NKAIN2: variants seen among roughly 807,000 people sequenced by gnomAD.
The protein encoded by NKAIN2 is sodium/potassium transporting ATPase interacting 2.
NKAIN2 carries 14 observed loss-of-function variants against 32.6 expected under a neutral mutation model. That is an observed-to-expected ratio of 0.43 (90% CI 0.28 to 0.67). The LOEUF is 0.67. NKAIN2 is among the 30% of genes least tolerant of loss of function. The pLI, the probability that NKAIN2 is intolerant of heterozygous loss-of-function variation, is 0.17. For missense variants in NKAIN2, 198 were observed against 258.3 expected, an observed-to-expected ratio of 0.77 and a Z score of 1.60; for synonymous variants, 80 against 87.2, an observed-to-expected ratio of 0.92 and a Z score of 0.46.
At chr6:123,840,365 T>C (rs901915742) in intron 1 of NKAIN2, among the ~76,000 whole-genome samples, 11 of 152,006 alleles carry the variant, frequency 7.2e-5, no homozygotes, top group Middle Eastern at 3.2e-3. Flanking sequence ...AGGGAAAAAA[T>C]GAAACACAGT....
chr6:124,546,837 G>A (rs627547), intron 3 of NKAIN2, among the ~76,000 whole-genome samples: 34,955 of 152,122 alleles, frequency 0.23, 4,194 homozygotes, highest in Middle Eastern at 0.32. Context: ...TAGTGAATAG[G>A]AGAAGAACAT....
At chr6:124,807,842 A>G (rs1780662490) in intron 5 of NKAIN2, among the ~76,000 whole-genome samples, 1 of 150,866 alleles carries the variant, frequency 6.6e-6, no homozygotes, top group Non-Finnish European at 1.5e-5. Context: ...ACCGTCAGAG[A>G]ATACTACAAA....
At chr6:124,376,575 G>A (rs1056032959) in intron 3 of NKAIN2, among the ~76,000 whole-genome samples, 1 of 151,996 alleles carries the variant, frequency 6.6e-6, no homozygotes, top group Non-Finnish European at 1.5e-5. Flanking sequence ...AAGTTTAAAA[G>A]TTTTCTCTCT....
chr6:124,305,177 A>C (rs981597788), intron 2 of NKAIN2, among the ~76,000 whole-genome samples: 3 of 152,152 alleles, frequency 2.0e-5, no homozygotes, highest in African/African-American at 7.2e-5. Flanking sequence ...AAATATTTAG[A>C]GAGATATTCC....
chr6:123,850,353 AAAAT>A (rs1334790828), intron 1 of NKAIN2, among the ~76,000 whole-genome samples: 8 of 101,702 alleles, frequency 7.9e-5, no homozygotes, highest in African/African-American at 3.3e-4. Flanking sequence ...AAAAAAAAAA[AAAAT>A]ATATATATAT....
rs77729193 is a variant in NKAIN2 at position 123,817,773 on chromosome 6, G to A, written c.54+13519G>A. Among the ~76,000 whole-genome samples, 779 of 152,228 alleles carry A rather than the reference G, an allele frequency of 5.1e-3. 6 individuals are homozygous for A. The highest frequency in any genetic ancestry group is 0.016 in the East Asian group (85 of 5,176). On this transcript the variant is annotated intron_variant, in intron 1 of 6. Coordinates refer to ENST00000368417, the MANE Select transcript of NKAIN2 (RefSeq NM_001040214.3). ...CAGGCACATGAATAGTGGGTATGAA[G>A]GCATGGGGAAAAAACAGGATGAAAG...
At chr6:123,867,196 C>T (rs756324794) in intron 1 of NKAIN2, among the ~76,000 whole-genome samples, 2 of 152,170 alleles carry the variant, frequency 1.3e-5, no homozygotes, top group African/African-American at 2.4e-5. Context: ...TCCACTGGTG[C>T]CATTAGTCAT....
chr6:124,039,299 C>T (rs1582513521), intron 1 of NKAIN2, among the ~76,000 whole-genome samples: 1 of 151,952 alleles, frequency 6.6e-6, no homozygotes, highest in Non-Finnish European at 1.5e-5. Context: ...ATGTAGCCCT[C>T]AGCAATCCTC....
chr6:124,568,063 A>G (rs369731009), intron 3 of NKAIN2, among the ~76,000 whole-genome samples: 1 of 152,142 alleles, frequency 6.6e-6, no homozygotes, highest in Non-Finnish European at 1.5e-5. Context: ...TATGATGCTT[A>G]TGTTTCTTAA....
intron 3 of NKAIN2, among the ~76,000 whole-genome samples, chr6:124,630,493 C>T (rs190025978): frequency 1.3e-5 from 2 of 152,188 alleles, no homozygotes; most frequent in Admixed American, 1.3e-4. Context: ...AGAATTATGG[C>T]CATGGTAATG....
intron 3 of NKAIN2, among the ~76,000 whole-genome samples, chr6:124,443,633 C>G (rs940082818): frequency 1.3e-5 from 2 of 152,092 alleles, no homozygotes; most frequent in Non-Finnish European, 2.9e-5. Context: ...TTAATCTCTG[C>G]TATTCCTTAC....
At chr6:124,553,173 G>A (rs375053198) in intron 3 of NKAIN2, among the ~76,000 whole-genome samples, 12 of 152,254 alleles carry the variant, frequency 7.9e-5, no homozygotes, top group Middle Eastern at 6.8e-3. Flanking sequence ...GCAATGAATC[G>A]TTATTGGAAT....
intron 1 of NKAIN2, among the ~76,000 whole-genome samples, chr6:124,068,398 C>CT (rs977092787): frequency 3.2e-4 from 47 of 148,798 alleles, no homozygotes; most frequent in African/African-American, 6.9e-4. Context: ...GATTATATGA[C>CT]TTTTTTTTTT....
intron 5 of NKAIN2, among the ~76,000 whole-genome samples, chr6:124,813,296 TCA>T (rs1780998424): frequency 6.6e-6 from 1 of 152,080 alleles, no homozygotes; most frequent in Non-Finnish European, 1.5e-5. Flanking sequence ...CAGTATTAGA[TCA>T]AAGAAGAATC....
chr6:124,032,959 C>T (rs1781467763), intron 1 of NKAIN2, among the ~76,000 whole-genome samples: 1 of 151,822 alleles, frequency 6.6e-6, no homozygotes, highest in Non-Finnish European at 1.5e-5. Flanking sequence ...AAAAAAAAAT[C>T]AATAAAGTGC....
At chr6:124,357,996 A>C (rs1009377810) in intron 3 of NKAIN2, among the ~76,000 whole-genome samples, 1 of 152,082 alleles carries the variant, frequency 6.6e-6, no homozygotes, top group Non-Finnish European at 1.5e-5. Context: ...TCATTGTTCA[A>C]TTCCCGTCTA....
chr6:124,349,948 C>G (rs544510503), intron 2 of NKAIN2, among the ~76,000 whole-genome samples: 14 of 152,278 alleles, frequency 9.2e-5, no homozygotes, highest in African/African-American at 2.9e-4. Flanking sequence ...GAAATCAATT[C>G]TTAAAAGTGA....
At chr6:123,922,168 A>C (rs917162765) in intron 1 of NKAIN2, among the ~76,000 whole-genome samples, 1 of 152,214 alleles carries the variant, frequency 6.6e-6, no homozygotes, top group South Asian at 2.1e-4. Context: ...TCAAAAAACC[A>C]GTATTTTTGG....
At chr6:124,481,960 A>T (rs989160033) in intron 3 of NKAIN2, among the ~76,000 whole-genome samples, 5 of 152,202 alleles carry the variant, frequency 3.3e-5, no homozygotes, top group African/African-American at 4.8e-5. Context: ...GACTGTGGCA[A>T]ATTTTATAGA....
Sources: allele counts gnomAD v4.1 joint callset (sites outside exome capture counted in the v4.1 genomes callset), GRCh38; gene constraint gnomAD v4.1.1; transcripts MANE v1.5; gene names NCBI Gene and HGNC (gene_info 2026-07-23, HGNC 2026-07-21).